The following SLC35F4 variants were observed in gnomAD, a reference collection of about 807,000 sequenced individuals.
SLC35F4 encodes solute carrier family 35 member F4, also known as chromosome 14 open reading frame 36.
In SLC35F4, 24 loss-of-function variants were observed where a neutral mutation model predicts 44.2. The ratio of observed to expected loss-of-function variants is 0.54; its 90% confidence interval spans 0.39 to 0.76. SLC35F4 has a LOEUF of 0.76. SLC35F4 is among the 30% of genes least tolerant of loss of function. The pLI is 0.00. For missense variants in SLC35F4, 562 were observed against 586.1 expected (o/e 0.96, Z 0.42); for synonymous variants, 238 against 223.6 (o/e 1.06, Z -0.57).
chr14:57,891,390 T>C (rs1445292874), intron 1 of SLC35F4, among the ~76,000 whole-genome samples: 1 of 152,148 alleles, frequency 6.6e-6, no homozygotes, highest in African/African-American at 2.4e-5. Context: ...CAGTGGTGTG[T>C]GCCTGTATCT....
At position 57,585,478 on chromosome 14, in the gene SLC35F4, G is replaced by GT. The variant is rs1267965588; in HGVS notation, c.587+3737_587+3738insA. 5.3e-5 allele frequency among the ~76,000 whole-genome samples: 8 copies of GT among 152,110 alleles called. No individual in the cohort carries two copies. The East Asian group carries it at 1.5e-3, about 29-fold the overall frequency. Reference sequence around the variant, plus strand: ...ACCACTCCTATTCAACATAGTATTGGAAGTTCTGGCCAGGGCGATCAGGCA... The same window carrying GT: ...ACCACTCCTATTCAACATAGTATTGGTAAGTTCTGGCCAGGGCGATCAGGCA... On this transcript the variant is annotated intron_variant, in intron 3 of 7. Transcript: ENST00000556826.
intron 1 of SLC35F4, among the ~76,000 whole-genome samples, chr14:57,765,584 A>C (rs1304369291): frequency 6.6e-6 from 1 of 152,264 alleles, no homozygotes; most frequent in Admixed American, 6.5e-5. Flanking sequence ...ACATTACATC[A>C]ACAGTATTAA....
chr14:57,744,262 A>G (rs902173945), intron 1 of SLC35F4, among the ~76,000 whole-genome samples: 2 of 152,194 alleles, frequency 1.3e-5, no homozygotes, highest in Non-Finnish European at 2.9e-5. Flanking sequence ...AGGGTATTCA[A>G]TTAGGAAAAG....
At chr14:57,957,310 G>A (rs1010970819) in intron 1 of SLC35F4, among the ~76,000 whole-genome samples, 1 of 151,964 alleles carries the variant, frequency 6.6e-6, no homozygotes, top group Non-Finnish European at 1.5e-5. Flanking sequence ...CTAGGGGAGG[G>A]ATAGCATTAG....
chr14:57,851,785 C>G (rs1956691), intron 1 of SLC35F4, among the ~76,000 whole-genome samples: 1 of 151,998 alleles, frequency 6.6e-6, no homozygotes, highest in Non-Finnish European at 1.5e-5. Context: ...TTAATTATAA[C>G]GCACCAGTGT....
intron 1 of SLC35F4, among the ~76,000 whole-genome samples, chr14:57,724,241 A>AATGGTT (rs1274362066): frequency 6.6e-6 from 1 of 152,142 alleles, no homozygotes; most frequent in Non-Finnish European, 1.5e-5. Flanking sequence ...CAGCAGATCC[A>AATGGTT]ATGGTGCTTG....
chr14:57,898,342 T>G (rs1014959265), intron 1 of SLC35F4, among the ~76,000 whole-genome samples: 3 of 152,236 alleles, frequency 2.0e-5, no homozygotes, highest in Non-Finnish European at 4.4e-5. Context: ...TTAAAACACA[T>G]GCATTCATGG....
chr14:57,566,435 G>C (rs1352785995), intron 7 of SLC35F4, 40 bp downstream of exon 7: 1 of 1,539,988 alleles, frequency 6.5e-7, no homozygotes, highest in Admixed American at 1.9e-5. Flanking sequence ...CAAGAGACTT[G>C]TAGTGGCCAG....
intron 1 of SLC35F4, among the ~76,000 whole-genome samples, chr14:57,798,629 G>C (rs2078111810): frequency 6.6e-6 from 1 of 152,204 alleles, no homozygotes; most frequent in Non-Finnish European, 1.5e-5. Context: ...ACCTGCTGAA[G>C]AGACAATGTT....
At chr14:57,760,964 C>T (rs542534036) in intron 1 of SLC35F4, among the ~76,000 whole-genome samples, 5 of 152,144 alleles carry the variant, frequency 3.3e-5, no homozygotes, top group Non-Finnish European at 5.9e-5. Flanking sequence ...TCCTCTCCGG[C>T]ACTCTACCCA....
rs144758549 is a variant in SLC35F4 at position 57,581,433 on chromosome 14, C to T, written c.588G>A (p.Arg196=). The T allele has an allele frequency of 2.3e-4, 365 of 1,605,144 alleles. No individual in the cohort carries two copies. In the African/African-American group the frequency reaches 4.3e-3, roughly 19 times the overall value. The part of the protein sequence containing the change: ...QEKQSPMKKF[R]ECSRIFGEDG... ...CTTCACCAAAAATCCGACTGCATTC[C>T]CTAGGAAAGAAAAGAGAAGTTAATA... The change falls in exon 4 of 8, where the codon AGG becomes AGA. Residue 196 remains arginine (R), a splice_region_variant and synonymous_variant. Transcript: ENST00000556826.
chr14:57,950,299 T>C (rs1036662571), intron 1 of SLC35F4, among the ~76,000 whole-genome samples: 1 of 152,118 alleles, frequency 6.6e-6, no homozygotes, highest in Admixed American at 6.5e-5. Context: ...AGTTCTTTCT[T>C]CTACTTGTTC....
chr14:57,696,619 A>G (rs1594818525), intron 1 of SLC35F4, among the ~76,000 whole-genome samples: 1 of 152,384 alleles, frequency 6.6e-6, no homozygotes, highest in African/African-American at 2.4e-5. Context: ...ATGCACATGT[A>G]TGTTTACTGC....
At chr14:57,937,064 CT>C (rs11458039) in intron 1 of SLC35F4, among the ~76,000 whole-genome samples, 9 of 144,222 alleles carry the variant, frequency 6.2e-5, no homozygotes, top group South Asian at 2.2e-4. Flanking sequence ...ATTTTACCTG[CT>C]TTTTTTTTTT....
chr14:57,963,282 C>T (rs1291828884), intron 1 of SLC35F4, among the ~76,000 whole-genome samples: 1 of 152,226 alleles, frequency 6.6e-6, no homozygotes, highest in African/African-American at 2.4e-5. Context: ...CTTGCTTCTT[C>T]TCATGCTCTC....
Position 57,865,703 on chromosome 14 carries a change from G to T in SLC35F4, c.103+20C>A. ...ACCTCCCTTCCCCGCCTCGCGCAGG[G>T]CAGCCGCGCGGCGTCTTACTTTTCT... On this transcript the variant is annotated intron_variant, in intron 1 of 7. Coordinates refer to ENST00000556826, the MANE Select transcript of SLC35F4 (RefSeq NM_001306087.2). The T allele has an allele frequency of 6.6e-7, 1 of 1,509,338 alleles. No individual in the cohort carries two copies. Among genetic ancestry groups the T allele is most frequent in the Non-Finnish European group, 8.8e-7 (1 of 1,133,202 alleles). 93.5% of individuals were successfully genotyped at this position (1,509,338 alleles called of 1,614,324 possible).
chr14:57,762,538 T>G (rs965321366), intron 1 of SLC35F4, among the ~76,000 whole-genome samples: 10 of 152,174 alleles, frequency 6.6e-5, no homozygotes, highest in African/African-American at 2.4e-4. Flanking sequence ...ATGGTTTGAG[T>G]GTCCCCATCA....
chr14:57,816,124 A>T (rs1010830216), intron 1 of SLC35F4, among the ~76,000 whole-genome samples: 1 of 152,174 alleles, frequency 6.6e-6, no homozygotes, highest in Non-Finnish European at 1.5e-5. Context: ...TGCACTTCAC[A>T]TATCTGCAAT....
chr14:57,731,023 G>T (rs2076330248), intron 1 of SLC35F4, among the ~76,000 whole-genome samples: 1 of 152,130 alleles, frequency 6.6e-6, no homozygotes, highest in Non-Finnish European at 1.5e-5. Context: ...AGTAACAGTG[G>T]GAAATACCTC....
Sources: allele counts gnomAD v4.1 joint callset (sites outside exome capture counted in the v4.1 genomes callset), GRCh38; gene constraint gnomAD v4.1.1; transcripts MANE v1.5; gene names NCBI Gene and HGNC (gene_info 2026-07-23, HGNC 2026-07-21).